The following TECPR2 variants were observed in gnomAD, a reference collection of about 807,000 sequenced individuals.
TECPR2 encodes tectonin beta-propeller repeat-containing protein 2.
Under a neutral mutation model 138.1 loss-of-function variants are expected in TECPR2, and 65 were observed. The ratio of observed to expected loss-of-function variants is 0.47; its 90% CI spans 0.39 to 0.58. The LOEUF (loss-of-function observed/expected upper bound fraction) is 0.58, where lower values mean the gene tolerates loss of function less well. Among genes scored for constraint, TECPR2 ranks in the 20% least tolerant of loss-of-function variants. The pLI is 0.00. For synonymous variants in TECPR2, 746 were observed against 749.8 expected (o/e 0.99, Z 0.08); for missense variants, 1,553 against 1,824.5 (o/e 0.85, Z 2.71).
At position 102,499,043 on chromosome 14, in the gene TECPR2, C is replaced by T; in HGVS notation, c.*786C>T. 1 of 701,722 alleles carries T rather than the reference C, an allele frequency of 1.4e-6. No individual in the cohort carries two copies. Among genetic ancestry groups the T allele is most frequent in the Admixed American group, 2.0e-5 (1 of 49,824 alleles). 43.5% of individuals were successfully genotyped at this position (701,722 alleles called of 1,614,324 possible). A position where few individuals can be genotyped will look rare whatever the true frequency, so the allele number is the denominator to read the frequency against. On this transcript the variant is annotated 3_prime_UTR_variant, in exon 20 of 20. Coordinates refer to ENST00000359520, the MANE Select transcript of TECPR2 (RefSeq NM_014844.5). ...CCTCGCCACATCTCACCACACCACA[C>T]CACACCACACCTCACTGCCCACACA...
Position 102,427,750 on chromosome 14 carries a change from C to A in TECPR2, c.952-500C>A, listed in dbSNP as rs137871811. Among the ~76,000 whole-genome samples the A allele has an allele frequency of 3.0e-4, 46 of 152,292 alleles. No individual in the cohort carries two copies. The East Asian group carries it at 8.9e-3, about 29-fold the overall frequency. On this transcript the variant is annotated intron_variant, in intron 6 of 19. Coordinates refer to ENST00000359520, the MANE Select transcript of TECPR2 (RefSeq NM_014844.5). ...TAGACGTGTCTGCACGTTATTTCAGCCCAGGAGTGGGGCGTCAAGCGGAAG... is the reference window on the plus strand; with the variant it reads ...TAGACGTGTCTGCACGTTATTTCAGACCAGGAGTGGGGCGTCAAGCGGAAG...
chr14:102,410,633 A>G (rs1888817463), intron 4 of TECPR2, among the ~76,000 whole-genome samples: 1 of 152,062 alleles, frequency 6.6e-6, no homozygotes, highest in Non-Finnish European at 1.5e-5. Context: ...GAGCTCCTGT[A>G]TGGATACTCC....
At chr14:102,384,557 A>G (rs1214136485) in intron 2 of TECPR2, among the ~76,000 whole-genome samples, 1 of 151,752 alleles carries the variant, frequency 6.6e-6, no homozygotes, top group Non-Finnish European at 1.5e-5. Context: ...CATGCCTGTA[A>G]TCCCAGCTAC....
intron 2 of TECPR2, among the ~76,000 whole-genome samples, chr14:102,403,827 A>G (rs566454933): frequency 2.6e-5 from 4 of 152,332 alleles, no homozygotes; most frequent in African/African-American, 7.2e-5. Context: ...AACATGAAAC[A>G]TTGCTGAAAG....
At chr14:102,429,630 A>G (rs564470965) in intron 7 of TECPR2, among the ~76,000 whole-genome samples, 6 of 152,192 alleles carry the variant, frequency 3.9e-5, no homozygotes, top group African/African-American at 1.4e-4. Context: ...CCTCCTCACT[A>G]CCATTACCTC....
chr14:102,451,935 C>T (rs768729444), intron 15 of TECPR2, among the ~76,000 whole-genome samples: 1 of 152,050 alleles, frequency 6.6e-6, no homozygotes, highest in African/African-American at 2.4e-5. Flanking sequence ...CCAGAAGGTC[C>T]GGGAGAGCAC....
intron 17 of TECPR2, among the ~76,000 whole-genome samples, chr14:102,474,450 C>G (rs1232062399): frequency 6.6e-6 from 1 of 151,992 alleles, no homozygotes; most frequent in Non-Finnish European, 1.5e-5. Context: ...TATGGAGAAA[C>G]CCCGTCTCTA....
chr14:102,461,073 A>T (rs140830554), intron 16 of TECPR2, among the ~76,000 whole-genome samples: 2 of 152,160 alleles, frequency 1.3e-5, no homozygotes, highest in East Asian at 3.9e-4. Context: ...CTGCTATAGG[A>T]TTAAATTAAA....
intron 2 of TECPR2, among the ~76,000 whole-genome samples, chr14:102,404,966 C>T (rs1567326487): frequency 6.6e-6 from 1 of 152,018 alleles, no homozygotes; most frequent in African/African-American, 2.4e-5. Flanking sequence ...TGGATATTCA[C>T]ATGCAAAAGA....
chr14:102,477,718 T>A (rs80264234), intron 17 of TECPR2, among the ~76,000 whole-genome samples: 1 of 66,934 alleles, frequency 1.5e-5, no homozygotes, highest in Non-Finnish European at 2.9e-5. Context: ...GCCCGGCAAA[T>A]TTTTTTTTTT....
intron 5 of TECPR2, among the ~76,000 whole-genome samples, chr14:102,416,748 C>A (rs1307180389): frequency 2.0e-5 from 3 of 152,226 alleles, no homozygotes; most frequent in East Asian, 3.9e-4. Flanking sequence ...CTTTGGGAGG[C>A]CAAGGTGGGC....
At chr14:102,459,003 T>C (rs1890342774) in intron 16 of TECPR2, among the ~76,000 whole-genome samples, 1 of 149,756 alleles carries the variant, frequency 6.7e-6, no homozygotes, top group South Asian at 2.1e-4. Context: ...AATTTTAGTT[T>C]GACTCACATT....
At chr14:102,433,213 C>T (rs1889560135) in intron 8 of TECPR2, among the ~76,000 whole-genome samples, 1 of 149,660 alleles carries the variant, frequency 6.7e-6, no homozygotes, top group South Asian at 2.1e-4. Flanking sequence ...ATTTTAAATA[C>T]AGGGGGTCCA....
intron 10 of TECPR2, among the ~76,000 whole-genome samples, chr14:102,439,207 A>T (rs1241480551): frequency 6.6e-6 from 1 of 152,000 alleles, no homozygotes; most frequent in South Asian, 2.1e-4. Flanking sequence ...GTCGGCACCT[A>T]CGCCAGTGGG....
intron 7 of TECPR2, among the ~76,000 whole-genome samples, chr14:102,431,024 CT>C (rs10713792): frequency 0.011 from 1,336 of 122,584 alleles, 17 homozygotes; most frequent in African/African-American, 0.037. Flanking sequence ...TATTTTTTTA[CT>C]TTTTTTTTTT....
chr14:102,373,477 T>C (rs1045779689), intron 1 of TECPR2, among the ~76,000 whole-genome samples: 10 of 152,320 alleles, frequency 6.6e-5, no homozygotes, highest in Admixed American at 5.2e-4. Context: ...CTAACATAAG[T>C]ATTCTAAGCA....
intron 5 of TECPR2, among the ~76,000 whole-genome samples, chr14:102,418,985 C>T (rs890581371): frequency 5.3e-5 from 8 of 151,948 alleles, no homozygotes; most frequent in African/African-American, 1.2e-4. Flanking sequence ...GCTGTGGCCC[C>T]GCCATGTCCT....
intron 9 of TECPR2, among the ~76,000 whole-genome samples, chr14:102,436,651 T>A (rs1315130471): frequency 1.3e-5 from 2 of 152,198 alleles, no homozygotes; most frequent in Non-Finnish European, 2.9e-5. Flanking sequence ...CATCCGGCAT[T>A]TATCTTTTCA....
At chr14:102,444,801 G>A (rs1195525778) in intron 12 of TECPR2, among the ~76,000 whole-genome samples, 7 of 152,052 alleles carry the variant, frequency 4.6e-5, no homozygotes, top group South Asian at 2.1e-4. Context: ...GTGAAATCCC[G>A]TCTCTATTAA....
Sources: gnomAD v4.1 joint callset for allele counts (sites outside exome capture counted in the v4.1 genomes callset) on GRCh38, gnomAD v4.1.1 for gene constraint, MANE v1.5 for transcripts, NCBI Gene and HGNC (gene_info 2026-07-23, HGNC 2026-07-21) for gene names.